The following STAC variants were observed in gnomAD, a reference collection of about 807,000 sequenced individuals.
The protein encoded by STAC is SH3 and cysteine rich domain, also known as SH3 and cysteine-rich domain-containing protein.
STAC carries 43 observed loss-of-function variants against 48.8 expected under a neutral mutation model. The ratio of observed to expected loss-of-function variants is 0.88; its 90% confidence interval spans 0.69 to 1.14. The LOEUF (loss-of-function observed/expected upper bound fraction) is 1.14, where lower values mean the gene tolerates loss of function less well. Among genes scored for constraint, STAC ranks in the 50% most tolerant of loss-of-function variants. The pLI is 0.00. For synonymous variants in STAC, 193 were observed against 179.5 expected, an observed-to-expected ratio of 1.07 and a Z score of -0.60; for missense variants, 497 against 504.0, an observed-to-expected ratio of 0.99 and a Z score of 0.13.
chr3:36,546,499 A>G lies in STAC; in HGVS notation c.*210A>G. ...ATCCAGGCTGCCACAGGTGGGGACG[A>G]GGCTGAGAGAGTCAGCAGGCAGAGC... On this transcript the variant is annotated 3_prime_UTR_variant, in exon 11 of 11. Coordinates refer to ENST00000273183, the MANE Select transcript of STAC (RefSeq NM_003149.3). 1.8e-6 allele frequency: 1 copy of G among 570,204 alleles called. No homozygotes were observed. Among genetic ancestry groups the G allele is most frequent in the Non-Finnish European group, 3.1e-6 (1 of 320,572 alleles). The allele number at this position is 570,204 out of a possible 1,614,324, so 35.3% of individuals were successfully genotyped here.
chr3:36,518,315 G>A (rs1313731063), intron 8 of STAC, among the ~76,000 whole-genome samples: 29 of 152,114 alleles, frequency 1.9e-4, no homozygotes, highest in Admixed American at 1.7e-3. Flanking sequence ...TACAATGCCT[G>A]TTCCAAATAA....
In STAC at chr3:36,482,962, C is replaced by T. The variant is rs1198309085; in HGVS notation, c.389-30C>T. The T allele has an allele frequency of 1.9e-6, 3 of 1,557,204 alleles. No homozygotes were observed. In the South Asian group the frequency reaches 3.4e-5, roughly 17 times the overall value. On this transcript the variant is annotated intron_variant, in intron 2 of 10. Coordinates refer to ENST00000273183, the MANE Select transcript of STAC (RefSeq NM_003149.3). ...ATCAGCAGGAAATGGCAGGTTGTAT[C>T]CTAACCAAAGTTTGCCATGTACCTG...
intron 1 of STAC, among the ~76,000 whole-genome samples, chr3:36,400,005 G>A (rs879293224): frequency 1.6e-4 from 24 of 152,188 alleles, no homozygotes; most frequent in Non-Finnish European, 3.2e-4. Context: ...CTTAAAAGGG[G>A]GTGGGTTGAT....
At chr3:36,396,979 T>C (rs1699869399) in intron 1 of STAC, among the ~76,000 whole-genome samples, 1 of 152,218 alleles carries the variant, frequency 6.6e-6, no homozygotes. Flanking sequence ...TTCTGCTAAT[T>C]TGCGTTTGTA....
intron 1 of STAC, among the ~76,000 whole-genome samples, chr3:36,417,879 G>A (rs1166211337): frequency 6.6e-6 from 1 of 152,136 alleles, no homozygotes; most frequent in South Asian, 2.1e-4. Flanking sequence ...TTTCTTTGAT[G>A]TTTAAGCTAA....
chr3:36,507,185 T>C (rs192599067), intron 8 of STAC, among the ~76,000 whole-genome samples: 1 of 152,318 alleles, frequency 6.6e-6, no homozygotes, highest in Admixed American at 6.5e-5. Flanking sequence ...AATCATGTGG[T>C]TTTTGTCATT....
intron 8 of STAC, among the ~76,000 whole-genome samples, chr3:36,507,621 T>C (rs577428242): frequency 1.9e-3 from 285 of 152,228 alleles, no homozygotes; most frequent in African/African-American, 6.5e-3. Context: ...TTCAGGGGTT[T>C]GACTTCTTTC....
intron 1 of STAC, among the ~76,000 whole-genome samples, chr3:36,423,718 TTAA>T (rs1240963562): frequency 3.9e-5 from 6 of 152,156 alleles, no homozygotes; most frequent in Non-Finnish European, 7.4e-5. Context: ...TGTATCATTA[TTAA>T]TATTATAGGA....
chr3:36,406,324 A>C (rs1473006084), intron 1 of STAC, among the ~76,000 whole-genome samples: 1 of 152,244 alleles, frequency 6.6e-6, no homozygotes, highest in Non-Finnish European at 1.5e-5. Context: ...ACTGCAGTGC[A>C]GTTACAGCAA....
intron 2 of STAC, among the ~76,000 whole-genome samples, chr3:36,467,904 C>T (rs540113931): frequency 6.6e-6 from 1 of 151,842 alleles, no homozygotes; most frequent in Non-Finnish European, 1.5e-5. Flanking sequence ...TCAGATTTTT[C>T]TTGTTTCTCC....
intron 1 of STAC, among the ~76,000 whole-genome samples, chr3:36,427,393 T>G (rs1433495158): frequency 6.6e-6 from 1 of 152,204 alleles, no homozygotes; most frequent in African/African-American, 2.4e-5. Context: ...TGGGCCAGCC[T>G]TGGAAATAAG....
intron 2 of STAC, among the ~76,000 whole-genome samples, chr3:36,481,057 G>C (rs1187532874): frequency 6.6e-6 from 1 of 152,202 alleles, no homozygotes; most frequent in Non-Finnish European, 1.5e-5. Context: ...TTTCAAGAAA[G>C]CTTCATTGAA....
chr3:36,541,075 T>A (rs558035564), intron 10 of STAC, among the ~76,000 whole-genome samples: 83 of 152,270 alleles, frequency 5.5e-4, no homozygotes, highest in Admixed American at 1.6e-3. Flanking sequence ...ATCCTTGAAA[T>A]GATAGCTACG....
chr3:36,523,418 T>C (rs2125727557), intron 8 of STAC, among the ~76,000 whole-genome samples: 1 of 152,354 alleles, frequency 6.6e-6, no homozygotes, highest in African/African-American at 2.4e-5. Context: ...TGGTATACAA[T>C]TGTGGATTAC....
At chr3:36,414,650 C>G (rs1014589077) in intron 1 of STAC, among the ~76,000 whole-genome samples, 2 of 152,104 alleles carry the variant, frequency 1.3e-5, no homozygotes, top group African/African-American at 4.8e-5. Flanking sequence ...GAAGTTTGAT[C>G]GTCTGAAGCC....
intron 1 of STAC, among the ~76,000 whole-genome samples, chr3:36,389,404 G>A (rs1273483692): frequency 6.6e-6 from 1 of 152,030 alleles, no homozygotes; most frequent in Non-Finnish European, 1.5e-5. Context: ...GCACTAATCC[G>A]AATCATGAAG....
chr3:36,481,559 A>C (rs1697647561), intron 2 of STAC, among the ~76,000 whole-genome samples: 1 of 152,170 alleles, frequency 6.6e-6, no homozygotes, highest in Non-Finnish European at 1.5e-5. Context: ...TTCATGTCTC[A>C]TACTACCTGG....
intron 1 of STAC, among the ~76,000 whole-genome samples, chr3:36,391,790 G>A (rs1443897285): frequency 6.6e-6 from 1 of 152,180 alleles, no homozygotes; most frequent in Non-Finnish European, 1.5e-5. Context: ...GTCTGAAAAT[G>A]AAACATATAC....
intron 5 of STAC, among the ~76,000 whole-genome samples, chr3:36,489,000 A>G (rs1364736324): frequency 6.6e-6 from 1 of 152,154 alleles, no homozygotes; most frequent in African/African-American, 2.4e-5. Flanking sequence ...TCCATTCCTT[A>G]GAACATGTTG....
Sources: gnomAD v4.1 joint callset for allele counts (sites outside exome capture counted in the v4.1 genomes callset) on GRCh38, gnomAD v4.1.1 for gene constraint, MANE v1.5 for transcripts, NCBI Gene and HGNC (gene_info 2026-07-23, HGNC 2026-07-21) for gene names.